The following HMCN2 variants were observed in gnomAD, a reference collection of about 807,000 sequenced individuals.
HMCN2 encodes the protein hemicentin-2.
A neutral mutation model predicts 377.5 loss-of-function variants in HMCN2; 325 were observed. That is an observed-to-expected ratio of 0.86 (90% confidence interval 0.79 to 0.94). HMCN2 has a LOEUF of 0.94. Ranked by LOEUF, HMCN2 falls within the 40% of genes least tolerant of loss-of-function variation. The probability of loss-of-function intolerance (pLI) is 0.00; values close to 1 mark genes in which losing one functional copy is unlikely to be tolerated. For missense variants in HMCN2, 4,543 were observed against 4,725.3 expected (o/e 0.96, Z 1.13); for synonymous variants, 2,007 against 2,046.8 (o/e 0.98, Z 0.53).
rs1160496646 is a variant in HMCN2, at chr9:130,433,943, C to T, written c.*250C>T. ...CCCGCAGGCAGGGCCCGGGGAAGCC[C>T]GGATCAGACCTCCAGGTCTGATCCG... On this transcript the variant is annotated 3_prime_UTR_variant, in exon 98 of 98. Coordinates refer to ENST00000683500, the MANE Select transcript of HMCN2 (RefSeq NM_001291815.2). The T allele has an allele frequency of 4.6e-6, 2 of 431,730 alleles. No homozygotes were observed. The highest frequency in any genetic ancestry group is 7.9e-5 in the East Asian group (2 of 25,464). 26.7% of individuals were successfully genotyped at this position (431,730 alleles called of 1,614,324 possible). A position where few individuals can be genotyped will look rare whatever the true frequency, so the allele number is the denominator to read the frequency against.
rs1200698057 is a variant in HMCN2 at position 130,401,016 on chromosome 9, A to T, written c.11770+69A>T. ...TGGGAGAGCAGGCAGAGGGGGTGAAAGGTCACATGGCGGAATAGGATGGAA... is the reference window on the plus strand; with the variant it reads ...TGGGAGAGCAGGCAGAGGGGGTGAATGGTCACATGGCGGAATAGGATGGAA... On this transcript the variant is annotated intron_variant, in intron 77 of 97. Transcript: ENST00000683500. The T allele has an allele frequency of 4.1e-6, 5 of 1,210,520 alleles. No individual in the cohort carries two copies. In the African/African-American group the frequency reaches 7.9e-5, roughly 19 times the overall value. 75.0% of individuals were successfully genotyped at this position (1,210,520 alleles called of 1,614,324 possible). A position where few individuals can be genotyped will look rare whatever the true frequency, so the allele number is the denominator to read the frequency against.
chr9:130,420,257 G>T (rs1278075371), intron 86 of HMCN2, among the ~76,000 whole-genome samples: 1 of 151,662 alleles, frequency 6.6e-6, no homozygotes, highest in African/African-American at 2.4e-5. Context: ...TGTATTTTTA[G>T]TACAGATGGG....
At chr9:130,427,057 G>A (rs542705790) in intron 90 of HMCN2, among the ~76,000 whole-genome samples, 19 of 152,298 alleles carry the variant, frequency 1.2e-4, no homozygotes, top group African/African-American at 4.6e-4. Flanking sequence ...TATTTTAATG[G>A]TTTTCCTGGG....
intron 5 of HMCN2, among the ~76,000 whole-genome samples, chr9:130,295,414 T>C (rs1225638555): frequency 2.6e-5 from 4 of 151,894 alleles, no homozygotes; most frequent in Non-Finnish European, 5.9e-5. Flanking sequence ...TCAGACATGG[T>C]CACCTGACCC....
chr9:130,278,198 C>T (rs1332550765), intron 1 of HMCN2, among the ~76,000 whole-genome samples: 1 of 152,164 alleles, frequency 6.6e-6, no homozygotes, highest in Non-Finnish European at 1.5e-5. Flanking sequence ...GATCTCAGCT[C>T]ACTGCAAGCT....
chr9:130,408,674 G>C, intron 83 of HMCN2, 69 bp from the exon 84 acceptor site: 1 of 1,162,842 alleles, frequency 8.6e-7, no homozygotes, highest in Non-Finnish European at 1.1e-6. Context: ...CAGTCCTTTG[G>C]GGTTTATGGG....
At chr9:130,427,171 T>C in intron 90 of HMCN2, 142 bp from the exon 91 acceptor site, 2 of 830,030 alleles carry the variant, frequency 2.4e-6, no homozygotes, top group East Asian at 2.7e-5. Context: ...GGGCAGGAAA[T>C]GGGCTTGCTG....
chr9:130,393,367 C>A lies in HMCN2; in HGVS notation c.10234+58C>A. 2 of 963,788 alleles carry A rather than the reference C, an allele frequency of 2.1e-6. No homozygotes were observed. Among genetic ancestry groups the A allele is most frequent in the East Asian group, 1.1e-4 (1 of 8,704 alleles). The allele number at this position is 963,788 out of a possible 1,614,324, so 59.7% of individuals were successfully genotyped here. A position where few individuals can be genotyped will look rare whatever the true frequency, so the allele number is the denominator to read the frequency against. ...TGGCCTTGGTGGGTGAGAATCAAGG[C>A]CCTTGGCCCCCCTGCCCTTCTGGGT... On this transcript the variant is annotated intron_variant, in intron 67 of 97. Transcript: ENST00000683500. This position sits in a 1 kb window ranked among gnomAD's most constrained non-coding sequence, Gnocchi z 5.2.
At position 130,418,954 on chromosome 9, in the gene HMCN2, G is replaced by C; in HGVS notation, c.13144G>C (p.Val4382Leu). The change falls in exon 86 of 98, where the codon GTG becomes CTG. Residue 4382 changes from valine (V) to leucine (L), a missense_variant. By Grantham distance (32) the Val-to-Leu change is conservative. Around this residue, in one of 5 missense-constraint regions of HMCN2, gnomAD observed 1,155 missense variants for 1,157.7 expected, o/e 1.00. Coordinates refer to ENST00000683500, the MANE Select transcript of HMCN2 (RefSeq NM_001291815.2). ...LPDGSLWLEN[V>L]ETGDAGTYDC... is the part of the protein sequence containing the mutation. ...CGATGGGAGCCTGTGGCTGGAGAAC[G>C]TGGAGACTGGGGATGCAGGCACCTA... The C allele has an allele frequency of 5.2e-6, 8 of 1,535,398 alleles. No homozygotes were observed. The highest frequency in any genetic ancestry group is 7.0e-6 in the Non-Finnish European group (8 of 1,138,814).
At chr9:130,330,203 G>A (rs1237691108) in intron 22 of HMCN2, among the ~76,000 whole-genome samples, 6 of 151,862 alleles carry the variant, frequency 4.0e-5, no homozygotes, top group Non-Finnish European at 8.8e-5. Flanking sequence ...AGCCCTCCAC[G>A]CCCCTCTCCC....
chr9:130,413,734 T>G (rs1352853728), intron 85 of HMCN2, among the ~76,000 whole-genome samples: 4 of 152,098 alleles, frequency 2.6e-5, no homozygotes, highest in Admixed American at 2.6e-4. Context: ...CACACGCATG[T>G]GCACGTGCGC....
intron 73 of HMCN2, among the ~76,000 whole-genome samples, chr9:130,396,614 C>T (rs1842621320): frequency 6.6e-6 from 1 of 152,182 alleles, no homozygotes; most frequent in African/African-American, 2.4e-5. Context: ...CTCTTACCTT[C>T]TTCCTTGGTG....
intron 86 of HMCN2, among the ~76,000 whole-genome samples, chr9:130,420,616 T>G (rs1334228909): frequency 1.3e-5 from 2 of 152,066 alleles, no homozygotes; most frequent in Admixed American, 1.3e-4. Context: ...GAGGATCTGG[T>G]CTGGGTCTCT....
intron 15 of HMCN2, among the ~76,000 whole-genome samples, chr9:130,311,289 G>T (rs1452070062): frequency 3.3e-5 from 5 of 152,360 alleles, no homozygotes; most frequent in African/African-American, 1.2e-4. Flanking sequence ...CCCAAGGCGG[G>T]CCAGGCTCTG....
At chr9:130,287,094 A>G (rs1835453135) in intron 4 of HMCN2, among the ~76,000 whole-genome samples, 1 of 152,104 alleles carries the variant, frequency 6.6e-6, no homozygotes, top group Non-Finnish European at 1.5e-5. Context: ...TCCAAGTCAG[A>G]GTTGGGAAGT....
rs182045984 is a variant in HMCN2, at chr9:130,428,180, A to G, written c.14066-178A>G. On this transcript the variant is annotated intron_variant, in intron 92 of 97. Transcript: ENST00000683500. This position sits in a 1 kb window ranked among gnomAD's most constrained non-coding sequence, Gnocchi z 5.0. Reference sequence around the variant, plus strand: ...ACTCGGGTCCCTTGGAGTGGGCCCTATGTTTTGGGATAGGGAGCAAGACAA... The same window carrying G: ...ACTCGGGTCCCTTGGAGTGGGCCCTGTGTTTTGGGATAGGGAGCAAGACAA... Among the ~76,000 whole-genome samples the G allele has an allele frequency of 2.9e-3, 443 of 152,214 alleles. 6 individuals are homozygous for G. The highest frequency in any genetic ancestry group is 0.019 in the Admixed American group (298 of 15,286).
Position 130,391,455 on chromosome 9 carries a change from A to G in HMCN2, c.9833A>G (p.Tyr3278Cys). The G allele has an allele frequency of 2.0e-6, 2 of 987,702 alleles. No homozygotes were observed. Among genetic ancestry groups the G allele is most frequent in the African/African-American group, 3.5e-5 (2 of 57,352 alleles). The allele number at this position is 987,702 out of a possible 1,614,324, so 61.2% of individuals were successfully genotyped here. The change falls in exon 65 of 98, where the codon TAC (tyrosine) becomes TGC (cysteine). Residue 3278 changes from tyrosine (Y) to cysteine (C), a missense_variant. By Grantham distance (194) the Tyr-to-Cys change is radical. Coordinates refer to ENST00000683500, the MANE Select transcript of HMCN2 (RefSeq NM_001291815.2). Reference sequence around the variant, plus strand: ...GCCCTCCTTCCCTGTGGCAGGTTCTACCTGGACGGCGGCTCCCTGGTGCTA... The same window carrying G: ...GCCCTCCTTCCCTGTGGCAGGTTCTGCCTGGACGGCGGCTCCCTGGTGCTA... ...GQDMGPHLRF[Y>C]LDGGSLVLKG...
chr9:130,368,808 C>T (rs1564823443), intron 44 of HMCN2, among the ~76,000 whole-genome samples: 1 of 152,118 alleles, frequency 6.6e-6, no homozygotes, highest in Non-Finnish European at 1.5e-5. Flanking sequence ...AACTGACTCA[C>T]TCACTCGCTA....
In HMCN2 at chr9:130,425,858, A is replaced by G. The variant is rs577206490; in HGVS notation, c.13813A>G (p.Ile4605Val). The G allele has an allele frequency of 3.7e-5, 58 of 1,550,410 alleles. No homozygotes were observed. In the East Asian group the frequency reaches 1.1e-3, roughly 29 times the overall value. ...QLVQHLRASA[I>V]SSAFDPEAEA... is the part of the protein sequence containing the mutation. ...GGTGCAGCACCTGCGGGCCTCAGCT[A>G]TCAGCTCGGCCTTTGATCCAGAGGC... Residue 4605 changes from isoleucine (I) to valine (V), a missense_variant, in exon 90 of 98, where the codon ATC (isoleucine) becomes GTC (valine). By Grantham distance (29) the Ile-to-Val change is conservative. Around this residue, in one of 5 missense-constraint regions of HMCN2, gnomAD observed 1,155 missense variants for 1,157.7 expected, o/e 1.00. Transcript: ENST00000683500.
Sources: gnomAD v4.1 joint callset for allele counts (sites outside exome capture counted in the v4.1 genomes callset) on GRCh38, gnomAD v4.1.1 for gene constraint, gnomAD v4.1.1 regional missense constraint, Gnocchi (gnomAD v3.1) non-coding constraint, MANE v1.5 for transcripts, NCBI Gene and HGNC (gene_info 2026-07-23, HGNC 2026-07-21) for gene names.